CEP63: variants seen among roughly 807,000 people sequenced by gnomAD.
CEP63 encodes centrosomal protein of 63 kDa.
Under a neutral mutation model 89.1 loss-of-function variants are expected in CEP63, and 84 were observed. The ratio of observed to expected loss-of-function variants is 0.94; its 90% CI spans 0.79 to 1.13. CEP63 has a LOEUF of 1.13. Among genes scored for constraint, CEP63 ranks in the 50% most tolerant of loss-of-function variants. The probability of loss-of-function intolerance (pLI) is 0.00; values close to 1 mark genes in which losing one functional copy is unlikely to be tolerated. For synonymous variants in CEP63, 267 were observed against 272.5 expected, an observed-to-expected ratio of 0.98 and a Z score of 0.20; for missense variants, 838 against 813.3, an observed-to-expected ratio of 1.03 and a Z score of -0.37.
Position 134,564,694 on chromosome 3 carries a change from G to A in CEP63, c.*3159G>A, listed in dbSNP as rs568170315. On this transcript the variant is annotated 3_prime_UTR_variant, in exon 15 of 15. Transcript: ENST00000675561. Reference sequence around the variant, plus strand: ...ATTTGAAAGGGCTTTGCAGTTTTAAGTACTGTACCTATGTGCATTGCTGTT... The same window carrying A: ...ATTTGAAAGGGCTTTGCAGTTTTAAATACTGTACCTATGTGCATTGCTGTT... The A allele has an allele frequency of 6.1e-6, 6 of 985,392 alleles. No individual in the cohort carries two copies. The African/African-American group carries it at 1.0e-4, about 17-fold the overall frequency. The allele number at this position is 985,392 out of a possible 1,614,324, so 61.0% of individuals were successfully genotyped here. A position where few individuals can be genotyped will look rare whatever the true frequency, so the allele number is the denominator to read the frequency against.
intron 5 of CEP63, chr3:134,536,666 T>A (rs1950832207): frequency 5.0e-6 from 1 of 198,842 alleles, no homozygotes; most frequent in Non-Finnish European, 1.1e-5. Context: ...TGAATCTACT[T>A]GGTTCCTTAG....
At chr3:134,776,151 G>C in the CEP63 span, among the ~76,000 whole-genome samples, 1 of 152,096 alleles carries the variant, frequency 6.6e-6, no homozygotes, top group Non-Finnish European at 1.5e-5. Context: ...ATCTCTATGG[G>C]GCCTTGACAT....
chr3:134,695,703 A>G, the CEP63 span, among the ~76,000 whole-genome samples: 2 of 152,104 alleles, frequency 1.3e-5, no homozygotes, highest in African/African-American at 4.8e-5. Context: ...TACTTCTGTA[A>G]CTCACCTGCG....
chr3:134,516,932 A>C (rs1946379306), intron 3 of CEP63, among the ~76,000 whole-genome samples: 1 of 152,138 alleles, frequency 6.6e-6, no homozygotes, highest in South Asian at 2.1e-4. Flanking sequence ...TGCTTAGATG[A>C]AATCTGGAAG....
intron 6 of CEP63, among the ~76,000 whole-genome samples, chr3:134,544,468 G>A (rs188233646): frequency 2.7e-4 from 41 of 152,246 alleles, no homozygotes; most frequent in Non-Finnish European, 5.1e-4. Context: ...TCCAAAAACT[G>A]ATGACAGAAC....
At chr3:134,752,221 C>A in the CEP63 span, among the ~76,000 whole-genome samples, 3,350 of 152,270 alleles carry the variant, frequency 0.022, 125 homozygotes, top group African/African-American at 0.075. Flanking sequence ...CCAGAGAGAA[C>A]CCAAGAGTAG....
intron 12 of CEP63, among the ~76,000 whole-genome samples, chr3:134,555,622 C>T (rs1329839044): frequency 6.6e-6 from 1 of 152,038 alleles, no homozygotes; most frequent in African/African-American, 2.4e-5. Context: ...GGAAATAAAA[C>T]AGGATACAAA....
the CEP63 span, chr3:134,629,266 A>G: frequency 4.2e-6 from 1 of 239,192 alleles, no homozygotes; most frequent in East Asian, 8.6e-5. Context: ...TATACATCAA[A>G]AGGTTAAAAA....
At chr3:134,666,546 AG>A in the CEP63 span, among the ~76,000 whole-genome samples, 1 of 152,118 alleles carries the variant, frequency 6.6e-6, no homozygotes, top group Admixed American at 6.5e-5. Flanking sequence ...AGGTGCTCTG[AG>A]GGTACTTTCT....
the CEP63 span, among the ~76,000 whole-genome samples, chr3:134,758,103 C>T: frequency 8.1e-4 from 124 of 152,254 alleles, no homozygotes; most frequent in African/African-American, 2.9e-3. Context: ...GCCTGTTACA[C>T]GCTTCTATCA....
In CEP63 at chr3:134,548,566, G is replaced by C. The variant is rs375570013; in HGVS notation, c.1068-496G>C. ...ACACTGACATTTTCTGTATGTAAAA[G>C]ATAAAATTGCTTTTAACATGAACTG... is the stretch of plus-strand genomic sequence containing the variant. On this transcript the variant is annotated intron_variant, in intron 9 of 14. Coordinates refer to ENST00000675561, the MANE Select transcript of CEP63 (RefSeq NM_001353108.3). Among the ~76,000 whole-genome samples, 22 of 152,174 alleles carry C rather than the reference G, an allele frequency of 1.4e-4. No homozygotes were observed. The East Asian group carries it at 4.3e-3, about 29-fold the overall frequency.
At chr3:134,690,506 T>A in the CEP63 span, among the ~76,000 whole-genome samples, 2 of 151,968 alleles carry the variant, frequency 1.3e-5, no homozygotes, top group Non-Finnish European at 2.9e-5. Context: ...ATGCTGCCTC[T>A]GATGCCAGTT....
chr3:134,516,635 G>A (rs1450837923), intron 3 of CEP63, among the ~76,000 whole-genome samples: 2 of 152,244 alleles, frequency 1.3e-5, no homozygotes, highest in Non-Finnish European at 2.9e-5. Flanking sequence ...ATTAGGGAGT[G>A]GTGATGACTC....
chr3:134,682,447 C>T, the CEP63 span, among the ~76,000 whole-genome samples: 11 of 152,136 alleles, frequency 7.2e-5, no homozygotes, highest in African/African-American at 2.7e-4. Context: ...AGCAAAAGCT[C>T]TAAAAGAAGG....
At chr3:134,761,245 G>A in the CEP63 span, among the ~76,000 whole-genome samples, 2 of 152,174 alleles carry the variant, frequency 1.3e-5, no homozygotes, top group Non-Finnish European at 2.9e-5. Flanking sequence ...CTGCCCATTT[G>A]TTCTCCCAAC....
chr3:134,774,501 G>T, the CEP63 span, among the ~76,000 whole-genome samples: 1 of 152,242 alleles, frequency 6.6e-6, no homozygotes, highest in African/African-American at 2.4e-5. Context: ...CACATGGGAA[G>T]CCTGGAGATG....
the CEP63 span, chr3:134,607,713 A>G: frequency 2.0e-6 from 2 of 985,848 alleles, no homozygotes; most frequent in Non-Finnish European, 1.2e-6. Flanking sequence ...GTGTGCAAAC[A>G]TACTCAGCTG....
At chr3:134,549,627 T>C (rs1319566251) in intron 10 of CEP63, among the ~76,000 whole-genome samples, 3 of 152,174 alleles carry the variant, frequency 2.0e-5, no homozygotes, top group Non-Finnish European at 4.4e-5. Context: ...GCCCTAACTG[T>C]CCTATTTGTT....
At chr3:134,567,418 T>C (rs1204420957), downstream of CEP63, among the ~76,000 whole-genome samples, 2 of 139,522 alleles carry the variant, frequency 1.4e-5, no homozygotes, top group African/African-American at 5.4e-5. Flanking sequence ...TTGTGTACTT[T>C]AAATGGGTGA....
Sources: allele counts gnomAD v4.1 joint callset (sites outside exome capture counted in the v4.1 genomes callset), GRCh38; gene constraint gnomAD v4.1.1; transcripts MANE v1.5; gene names NCBI Gene and HGNC (gene_info 2026-07-23, HGNC 2026-07-21).